The following DDX24 variants were observed in gnomAD, a reference collection of about 807,000 sequenced individuals.
DDX24 encodes the protein DEAD-box helicase 24, also known as ATP-dependent RNA helicase DDX24.
In DDX24, 24 loss-of-function variants were observed where a neutral mutation model predicts 68.9. The ratio of observed to expected loss-of-function variants is 0.35; its 90% CI spans 0.25 to 0.49. The LOEUF is 0.49. DDX24 is among the 20% of genes least tolerant of loss of function. The probability of loss-of-function intolerance (pLI) is 0.99; values close to 1 mark genes in which losing one functional copy is unlikely to be tolerated. For missense variants in DDX24, 989 were observed against 1,039.0 expected (o/e 0.95, Z 0.66); for synonymous variants, 395 against 385.2 (o/e 1.03, Z -0.30).
At chr14:94,080,180 A>G (rs1456112803) in intron 1 of DDX24, among the ~76,000 whole-genome samples, 3 of 152,232 alleles carry the variant, frequency 2.0e-5, no homozygotes, top group Admixed American at 2.0e-4. Flanking sequence ...AAGGCAGAGT[A>G]AGAATCTCAG....
rs772249953 is a variant in DDX24, at chr14:94,053,075, T to C, written c.2231A>G (p.Gln744Arg). 1 of 1,614,092 alleles carries C rather than the reference T, an allele frequency of 6.2e-7. No homozygotes were observed. The highest frequency in any genetic ancestry group is 8.5e-7 in the Non-Finnish European group (1 of 1,180,036). The change falls in exon 8 of 9, where the codon CAG (glutamine) becomes CGG (arginine). Residue 744 changes from glutamine (Q) to arginine (R), a missense_variant. By Grantham distance (43) the Gln-to-Arg change is conservative (BLOSUM62 1). Around this residue, in one of 3 missense-constraint regions of DDX24, gnomAD observed 691 missense variants for 760.0 expected, o/e 0.91. Transcript: ENST00000621632. ...AATCCAAGAGTTGTGCAGGCAAGCC[T>C]GGAAGTTCCGATACTCAGATTTCTC... ...QIEKSEYRNF[Q>R]ACLHNSWIEQ...
chr14:94,065,076 A>G (rs1320136290), intron 2 of DDX24, among the ~76,000 whole-genome samples: 1 of 149,584 alleles, frequency 6.7e-6, no homozygotes, highest in Admixed American at 6.7e-5. Flanking sequence ...TTTGAGACAC[A>G]GTCTTGCTCT....
chr14:94,063,364 G>C (rs1885635710), intron 2 of DDX24, among the ~76,000 whole-genome samples: 1 of 152,124 alleles, frequency 6.6e-6, no homozygotes, highest in South Asian at 2.1e-4. Flanking sequence ...CAGAAACAAT[G>C]AAAAGCCAGA....
In DDX24 at chr14:94,079,334, GATC is replaced by G. The variant is rs1886009053; in HGVS notation, c.406_408del (p.Asp136del). Reference sequence around the variant, plus strand: ...TCTGATGTCATCTCCCCAGCCTCCGGATCATCACAAACCATGTCATCTCCCTGG... The same window carrying G: ...TCTGATGTCATCTCCCCAGCCTCCGGATCACAAACCATGTCATCTCCCTGG... On this transcript the variant is annotated inframe_deletion, in exon 2 of 9. Transcript: ENST00000621632. 6.2e-7 allele frequency: 1 copy of G among 1,613,980 alleles called. No homozygotes were observed. The highest frequency in any genetic ancestry group is 1.3e-5 in the African/African-American group (1 of 74,946).
chr14:94,058,119 T>C (rs113105478), intron 5 of DDX24, among the ~76,000 whole-genome samples: 68 of 152,236 alleles, frequency 4.5e-4, no homozygotes, highest in African/African-American at 1.6e-3. Flanking sequence ...TTGGGACTCA[T>C]TGACCCCAAC....
At chr14:94,057,476 C>T in intron 6 of DDX24, 1 of 222,474 alleles carries the variant, frequency 4.5e-6, no homozygotes, top group African/African-American at 2.3e-5. Flanking sequence ...GGATTTGAGC[C>T]CAGAGAGATC....
At position 94,065,330 on chromosome 14, in the gene DDX24, G is replaced by T. The variant is rs1885679359; in HGVS notation, c.719-2709C>A. ...GCCTCCCAAAGTGCTGGGATTACAG[G>T]TGTGAGCCACTGCACCCGGCGTATG... On this transcript the variant is annotated intron_variant, in intron 2 of 8. Coordinates refer to ENST00000621632, the MANE Select transcript of DDX24 (RefSeq NM_020414.4). Among the ~76,000 whole-genome samples the T allele has an allele frequency of 2.0e-5, 3 of 150,288 alleles. No individual in the cohort carries two copies. The Admixed American group carries it at 2.0e-4, about 10-fold the overall frequency.
At chr14:94,070,094 T>C (rs564182953) in intron 2 of DDX24, among the ~76,000 whole-genome samples, 1 of 152,164 alleles carries the variant, frequency 6.6e-6, no homozygotes, top group Non-Finnish European at 1.5e-5. Context: ...GCTGATGATA[T>C]GATCATTTAC....
intron 2 of DDX24, among the ~76,000 whole-genome samples, chr14:94,069,648 A>C (rs1484659703): frequency 6.6e-6 from 1 of 152,224 alleles, no homozygotes; most frequent in Non-Finnish European, 1.5e-5. Context: ...CAACATATCA[A>C]AAAGATAACC....
chr14:94,055,368 G>A, intron 6 of DDX24, 184 bp from the exon 7 acceptor site: 1 of 631,846 alleles, frequency 1.6e-6, no homozygotes. Flanking sequence ...CCCAGGTTTA[G>A]CCCATTCACT....
Position 94,060,937 on chromosome 14 carries a change from T to C in DDX24, c.1373A>G (p.His458Arg), listed in dbSNP as rs1257019637. The change falls in exon 4 of 9, where the codon CAT becomes CGT. Residue 458 changes from histidine (H) to arginine (R), a missense_variant. Physicochemically the swap from His to Arg is conservative, Grantham distance 29. Transcript: ENST00000621632. ...CCTGAGCTGCCGAAGGTTCCTCAAA[T>C]GATAATGCTTTTCTTTAATTAATTC... Reference protein sequence around the residue: ...LWELIKEKHYHLRNLRQLRCL... With the variant: ...LWELIKEKHYRLRNLRQLRCL... 3.7e-6 allele frequency: 6 copies of C among 1,614,094 alleles called. No individual in the cohort carries two copies. Among genetic ancestry groups the C allele is most frequent in the South Asian group, 3.3e-5 (3 of 91,084 alleles).
intron 6 of DDX24, chr14:94,056,916 T>C (rs575309249): frequency 6.6e-5 from 10 of 152,334 alleles, no homozygotes; most frequent in Admixed American, 2.0e-4. Flanking sequence ...GAAAAAGCAC[T>C]GTGAGTTTGT....
rs1567058597 is a variant in DDX24, at chr14:94,060,270, A to G, written c.1741T>C (p.Tyr581His). The G allele has an allele frequency of 6.2e-7, 1 of 1,614,216 alleles. No homozygotes were observed. The highest frequency in any genetic ancestry group is 1.7e-5 in the Admixed American group (1 of 60,026). The part of the protein sequence containing the change: ...ETDEKDFYLY[Y>H]FLMQYPGRSL... ...CGGCCTGGATACTGCATCAGGAAGTAGTACAAGTAGAAGTCTTTCTCATCA... is the reference window on the plus strand; with the variant it reads ...CGGCCTGGATACTGCATCAGGAAGTGGTACAAGTAGAAGTCTTTCTCATCA... The change falls in exon 5 of 9, where the codon TAC becomes CAC. Residue 581 changes from tyrosine to histidine, a missense_variant. By Grantham distance (83) the Tyr-to-His change is moderately conservative. Around this residue, in one of 3 missense-constraint regions of DDX24, gnomAD observed 691 missense variants for 760.0 expected, o/e 0.91. Transcript: ENST00000621632.
Position 94,061,144 on chromosome 14 carries a change from G to T in DDX24, c.1244-78C>A, listed in dbSNP as rs551570945. 17 of 1,511,342 alleles carry T rather than the reference G, an allele frequency of 1.1e-5. No individual in the cohort carries two copies. In the East Asian group the frequency reaches 3.6e-4, roughly 32 times the overall value. 93.6% of individuals were successfully genotyped at this position (1,511,342 alleles called of 1,614,324 possible). Reference sequence around the variant, plus strand: ...TTACATGGCTGACACAGGCACCCCAGATTAGCAGAGACAGACATCAGCACA... The same window carrying T: ...TTACATGGCTGACACAGGCACCCCATATTAGCAGAGACAGACATCAGCACA... On this transcript the variant is annotated intron_variant, in intron 3 of 8. Transcript: ENST00000621632.
At chr14:94,060,691 C>A in intron 4 of DDX24, 78 bp from the exon 5 acceptor site, 1 of 1,529,200 alleles carries the variant, frequency 6.5e-7, no homozygotes, top group Non-Finnish European at 8.9e-7. Flanking sequence ...CTACACTCAT[C>A]CTAAACACAC....
Position 94,062,578 on chromosome 14 carries a change from C to G in DDX24, c.762G>C (p.Ala254=). Residue 254 remains alanine, a synonymous_variant, in exon 3 of 9, where the codon GCG becomes GCC. Transcript: ENST00000621632. ...CATTCCTCTTCTGCCACTGCAACAC[C>G]GCATGAATCATTGGGATGGCAAAGG... ...TLAFAIPMIH[A]VLQWQKRNAA... is the part of the protein sequence containing the mutation. 1.9e-6 allele frequency: 3 copies of G among 1,607,470 alleles called. No homozygotes were observed. Among genetic ancestry groups the G allele is most frequent in the African/African-American group, 2.7e-5 (2 of 74,720 alleles).
intron 4 of DDX24, 107 bp from the exon 5 acceptor site, chr14:94,060,720 A>T: frequency 6.8e-7 from 1 of 1,469,170 alleles, no homozygotes; most frequent in Non-Finnish European, 9.2e-7. Context: ...ACACGTACAC[A>T]CCCCACTACC....
intron 2 of DDX24, among the ~76,000 whole-genome samples, chr14:94,068,172 T>A (rs1567060621): frequency 6.6e-6 from 1 of 152,178 alleles, no homozygotes; most frequent in Non-Finnish European, 1.5e-5. Flanking sequence ...GAAAAAGGCA[T>A]TTAATGCAAA....
Position 94,050,538 on chromosome 14 carries a change from C to T in DDX24, c.*653G>A. On this transcript the variant is annotated 3_prime_UTR_variant, in exon 9 of 9. Transcript: ENST00000621632. ...AGTGGAGACAAGGCTGGGGCTAGAT[C>T]CTGAGGGCTTCACACGCCAGACCTA... The T allele has an allele frequency of 6.6e-6, 1 of 152,320 alleles. No homozygotes were observed. The highest frequency in any genetic ancestry group is 1.9e-4 in the East Asian group (1 of 5,200). The allele number at this position is 152,320 out of a possible 1,614,324, so 9.4% of individuals were successfully genotyped here. A position where few individuals can be genotyped will look rare whatever the true frequency, so the allele number is the denominator to read the frequency against.
Sources: allele counts gnomAD v4.1 joint callset (sites outside exome capture counted in the v4.1 genomes callset), GRCh38; gene constraint gnomAD v4.1.1; regional missense constraint gnomAD v4.1.1; transcripts MANE v1.5; gene names NCBI Gene and HGNC (gene_info 2026-07-23, HGNC 2026-07-21).